Variants in CEP85L observed in about 807,000 individuals in gnomAD.
CEP85L encodes centrosomal protein 85L, also known as centrosomal protein of 85 kDa-like.
A neutral mutation model predicts 100.3 loss-of-function variants in CEP85L; 60 were observed. That is an observed-to-expected ratio of 0.60 (90% CI 0.49 to 0.74). The LOEUF is 0.74. Among genes scored for constraint, CEP85L ranks in the 30% least tolerant of loss-of-function variants. CEP85L has a pLI of 0.00. For missense variants in CEP85L, 973 were observed against 936.2 expected, an observed-to-expected ratio of 1.04 and a Z score of -0.51; for synonymous variants, 319 against 322.7, an observed-to-expected ratio of 0.99 and a Z score of 0.12.
At chr6:118,502,890 T>G in intron 5 of CEP85L, 2 of 528,494 alleles carry the variant, frequency 3.8e-6, no homozygotes, top group Non-Finnish European at 7.1e-6. Context: ...ACAGAAGATC[T>G]TGAAGAACCT....
chr6:118,609,432 T>G (rs946365766), intron 2 of CEP85L, among the ~76,000 whole-genome samples: 6 of 152,108 alleles, frequency 3.9e-5, no homozygotes, highest in African/African-American at 1.4e-4. Flanking sequence ...TCAGAAAAAA[T>G]AAGAAGAAAT....
chr6:118,656,014 TAGA>T (rs1775776235), upstream of CEP85L, among the ~76,000 whole-genome samples: 1 of 152,182 alleles, frequency 6.6e-6, no homozygotes, highest in Non-Finnish European at 1.5e-5. Context: ...AAATAAAAAT[TAGA>T]AGATTTCTTT....
Position 118,464,736 on chromosome 6 carries a change from T to G in CEP85L, c.*669A>C, listed in dbSNP as rs1341410441. 2 of 152,088 alleles carry G rather than the reference T, an allele frequency of 1.3e-5. No homozygotes were observed. The highest frequency in any genetic ancestry group is 4.8e-5 in the African/African-American group (2 of 41,414). The allele number at this position is 152,088 out of a possible 1,614,324, so 9.4% of individuals were successfully genotyped here. A position where few individuals can be genotyped will look rare whatever the true frequency, so the allele number is the denominator to read the frequency against. On this transcript the variant is annotated 3_prime_UTR_variant, in exon 13 of 13. Coordinates refer to ENST00000368491, the MANE Select transcript of CEP85L (RefSeq NM_001042475.3). ...CATCACGTCAAAATTTCACACCTCT[T>G]GGGAAATCCACAATCACTCTGGAAA...
chr6:118,638,204 T>C (rs1774635755), intron 1 of CEP85L, among the ~76,000 whole-genome samples: 1 of 148,570 alleles, frequency 6.7e-6, no homozygotes, highest in Admixed American at 6.7e-5. Context: ...AGTGAGACCG[T>C]CTCAAAAAAA....
intron 4 of CEP85L, among the ~76,000 whole-genome samples, chr6:118,518,581 C>CT (rs1238206416): frequency 1.3e-5 from 2 of 152,110 alleles, no homozygotes; most frequent in African/African-American, 4.8e-5. Context: ...GTGATATCCC[C>CT]TTTATCATTT....
intron 1 of CEP85L, among the ~76,000 whole-genome samples, chr6:118,633,366 C>T (rs896521188): frequency 6.6e-5 from 10 of 151,808 alleles, no homozygotes; most frequent in Admixed American, 6.6e-4. Flanking sequence ...CACCACACCC[C>T]GCTAATTTTT....
chr6:118,660,593 G>T (rs1775938756), intron 1 of CEP85L, among the ~76,000 whole-genome samples: 1 of 152,194 alleles, frequency 6.6e-6, no homozygotes, highest in Non-Finnish European at 1.5e-5. Context: ...CTGTATTTAG[G>T]TTCACAGGAT....
Position 118,651,388 on chromosome 6 carries a change from G to C in CEP85L, c.-119C>G, listed in dbSNP as rs1775550227. On this transcript the variant is annotated 5_prime_UTR_variant, in exon 1 of 13. Transcript: ENST00000368491. ...CCTCGGCGACACGGGCAGGAGGAAA[G>C]GCGGGATGGCTGGTTAACGGCTGCT... The C allele has an allele frequency of 1.5e-6, 2 of 1,357,694 alleles. No individual in the cohort carries two copies. Among genetic ancestry groups the C allele is most frequent in the African/African-American group, 1.5e-5 (1 of 65,508 alleles). The allele number at this position is 1,357,694 out of a possible 1,614,324, so 84.1% of individuals were successfully genotyped here.
chr6:118,491,473 T>G (rs1774567584), intron 6 of CEP85L: 1 of 1,284,538 alleles, frequency 7.8e-7, no homozygotes, highest in African/African-American at 1.5e-5. Flanking sequence ...TACTATTTGT[T>G]AGAAAGATAT....
intron 2 of CEP85L, among the ~76,000 whole-genome samples, chr6:118,594,301 T>C (rs1473545215): frequency 3.9e-5 from 6 of 152,238 alleles, no homozygotes; most frequent in Non-Finnish European, 7.3e-5. Flanking sequence ...CTTTCTGATA[T>C]ATATCCACAG....
intron 1 of CEP85L, among the ~76,000 whole-genome samples, chr6:118,664,971 A>C: frequency 6.6e-6 from 1 of 152,254 alleles, no homozygotes; most frequent in East Asian, 1.9e-4. Context: ...AGGCATGAAC[A>C]TGATTTTGAA....
At chr6:118,625,139 T>C (rs1346034134) in intron 2 of CEP85L, among the ~76,000 whole-genome samples, 1 of 152,190 alleles carries the variant, frequency 6.6e-6, no homozygotes, top group African/African-American at 2.4e-5. Context: ...AAATCTCACA[T>C]GTATAAATTT....
chr6:118,705,267 C>A (rs1252074774), intron 1 of CEP85L, among the ~76,000 whole-genome samples: 1 of 152,156 alleles, frequency 6.6e-6, no homozygotes, highest in East Asian at 1.9e-4. Flanking sequence ...CCTCTCATAT[C>A]CTGCCTTTTC....
At chr6:118,579,347 C>T (rs1362733631) in intron 2 of CEP85L, among the ~76,000 whole-genome samples, 4 of 121,736 alleles carry the variant, frequency 3.3e-5, no homozygotes, top group African/African-American at 6.1e-5. Context: ...GGGGTGGGGA[C>T]GGGCGGGAAG....
intron 1 of CEP85L, among the ~76,000 whole-genome samples, chr6:118,677,981 G>A (rs1776533990): frequency 6.6e-6 from 1 of 152,150 alleles, no homozygotes; most frequent in Non-Finnish European, 1.5e-5. Context: ...TTATGATCAA[G>A]CTATTTCCCT....
At chr6:118,669,440 AC>A (rs66576890) in intron 1 of CEP85L, among the ~76,000 whole-genome samples, 8,585 of 152,090 alleles carry the variant, frequency 0.056, 288 homozygotes, top group South Asian at 0.1. Flanking sequence ...CCAACTACCC[AC>A]CCCCTTGCCC....
intron 5 of CEP85L, chr6:118,501,676 G>T: frequency 1.5e-6 from 1 of 661,838 alleles, no homozygotes; most frequent in Non-Finnish European, 2.8e-6. Context: ...TACACTCAGA[G>T]ATGAAAATTT....
intron 2 of CEP85L, among the ~76,000 whole-genome samples, chr6:118,623,908 A>G (rs1773613091): frequency 6.6e-6 from 1 of 152,186 alleles, no homozygotes; most frequent in Admixed American, 6.5e-5. Flanking sequence ...CTTCCCATCT[A>G]TGGATCCCTT....
chr6:118,612,277 T>C (rs1772679334), intron 2 of CEP85L, among the ~76,000 whole-genome samples: 2 of 151,576 alleles, frequency 1.3e-5, no homozygotes, highest in Middle Eastern at 3.4e-3. Flanking sequence ...AAAACCACAC[T>C]GAACTAAAAT....
Sources: allele counts gnomAD v4.1 joint callset (sites outside exome capture counted in the v4.1 genomes callset), GRCh38; gene constraint gnomAD v4.1.1; transcripts MANE v1.5; gene names NCBI Gene and HGNC (gene_info 2026-07-23, HGNC 2026-07-21).